Variants in FAM83B observed in about 807,000 individuals in gnomAD.
The protein encoded by FAM83B is scaffolding CK1 anchoring protein B.
FAM83B carries 26 observed loss-of-function variants against 38.8 expected under a neutral mutation model. The ratio of observed to expected loss-of-function variants is 0.67; its 90% confidence interval spans 0.49 to 0.93. The LOEUF (loss-of-function observed/expected upper bound fraction) is 0.93, where lower values mean the gene tolerates loss of function less well. Ranked by LOEUF, FAM83B falls within the 40% of genes least tolerant of loss-of-function variation. The pLI is 0.00. For synonymous variants in FAM83B, 419 were observed against 423.1 expected, an observed-to-expected ratio of 0.99 and a Z score of 0.12; for missense variants, 1,237 against 1,197.3, an observed-to-expected ratio of 1.03 and a Z score of -0.49.
intron 4 of FAM83B, among the ~76,000 whole-genome samples, chr6:54,928,568 T>TA (rs1411878869): frequency 2.0e-5 from 3 of 152,154 alleles, no homozygotes; most frequent in Middle Eastern, 3.2e-3. Context: ...GGGACCTTTT[T>TA]AAAAAAACAT....
rs532901666 is a variant in FAM83B at position 54,862,532 on chromosome 6, C to T, written c.-60-7655C>T. 8.5e-5 allele frequency among the ~76,000 whole-genome samples: 13 copies of T among 152,216 alleles called. No individual in the cohort carries two copies. The East Asian group carries it at 1.2e-3, about 14-fold the overall frequency. On this transcript the variant is annotated intron_variant, in intron 1 of 4. Coordinates refer to ENST00000306858, the MANE Select transcript of FAM83B (RefSeq NM_001010872.3). ...CGTGGTGGACATTCGCTTCTTCCTC[C>T]GTAAAATGAGAGGCTAGATGGATCA...
Position 54,940,419 on chromosome 6 carries a change from C to T in FAM83B, c.1448C>T (p.Thr483Ile). ...CGCTTTTTGCAACAACGAATGCCAA[C>T]CCTTGAACATACCACAAAGTCATTC... ...HIRFLQQRMPTLEHTTKSFLR... is the reference protein window; with the variant it reads ...HIRFLQQRMPILEHTTKSFLR... Residue 483 changes from threonine to isoleucine, a missense_variant, in exon 5 of 5, where the codon ACC becomes ATC. Thr to Ile is a moderately conservative substitution (Grantham distance 89). Transcript: ENST00000306858. The T allele has an allele frequency of 6.2e-7, 1 of 1,614,026 alleles. No homozygotes were observed. The highest frequency in any genetic ancestry group is 8.5e-7 in the Non-Finnish European group (1 of 1,179,996).
At chr6:54,852,437 T>C (rs1435911080) in intron 1 of FAM83B, among the ~76,000 whole-genome samples, 1 of 152,222 alleles carries the variant, frequency 6.6e-6, no homozygotes, top group African/African-American at 2.4e-5. Flanking sequence ...TGTGCACATA[T>C]GACAGTGAAC....
chr6:54,920,114 TCTTA>T (rs1773137648), intron 2 of FAM83B, among the ~76,000 whole-genome samples: 1 of 151,918 alleles, frequency 6.6e-6, no homozygotes, highest in Non-Finnish European at 1.5e-5. Flanking sequence ...AAATGGATAC[TCTTA>T]CTTAGGCTAT....
chr6:54,849,303 C>T (rs904646881), intron 1 of FAM83B, among the ~76,000 whole-genome samples: 22 of 152,278 alleles, frequency 1.4e-4, no homozygotes, highest in Admixed American at 2.6e-4. Flanking sequence ...TGGGCACTGT[C>T]TAGAAGTATC....
chr6:54,878,112 A>G (rs1427776379), intron 2 of FAM83B, among the ~76,000 whole-genome samples: 2 of 152,214 alleles, frequency 1.3e-5, no homozygotes, highest in Non-Finnish European at 2.9e-5. Flanking sequence ...TGAAGCAGGA[A>G]GAAAAGGAGA....
Position 54,943,296 on chromosome 6 carries a change from T to C in FAM83B, c.*1289T>C, listed in dbSNP as rs1350138363. The C allele has an allele frequency of 6.6e-6, 1 of 152,190 alleles. No individual in the cohort carries two copies. The highest frequency in any genetic ancestry group is 2.4e-5 in the African/African-American group (1 of 41,458). 9.4% of individuals were successfully genotyped at this position (152,190 alleles called of 1,614,324 possible). A position where few individuals can be genotyped will look rare whatever the true frequency, so the allele number is the denominator to read the frequency against. ...TAGTTCTTCCATGATTTGAGGATGATATTCAGATTATAAGATACCCTTTGT... is the reference window on the plus strand; with the variant it reads ...TAGTTCTTCCATGATTTGAGGATGACATTCAGATTATAAGATACCCTTTGT... On this transcript the variant is annotated 3_prime_UTR_variant, in exon 5 of 5. Coordinates refer to ENST00000306858, the MANE Select transcript of FAM83B (RefSeq NM_001010872.3).
At chr6:54,898,697 C>T (rs76339244) in intron 2 of FAM83B, among the ~76,000 whole-genome samples, 2,565 of 152,230 alleles carry the variant, frequency 0.017, 60 homozygotes, top group African/African-American at 0.046. Flanking sequence ...TTAACTCTTT[C>T]CTCTTTCCCG....
intron 2 of FAM83B, among the ~76,000 whole-genome samples, chr6:54,900,148 T>C (rs1237018002): frequency 6.6e-6 from 1 of 152,202 alleles, no homozygotes; most frequent in African/African-American, 2.4e-5. Context: ...CTGTAGCACA[T>C]ATAACCTTAA....
At chr6:54,884,864 C>T (rs1199803087) in intron 2 of FAM83B, among the ~76,000 whole-genome samples, 2 of 151,778 alleles carry the variant, frequency 1.3e-5, no homozygotes, top group African/African-American at 4.8e-5. Flanking sequence ...GCTCCGCCTC[C>T]CGGGTTCACG....
chr6:54,868,746 A>G (rs1464339829), intron 1 of FAM83B, among the ~76,000 whole-genome samples: 1 of 152,174 alleles, frequency 6.6e-6, no homozygotes, highest in Non-Finnish European at 1.5e-5. Flanking sequence ...GGCTTGGATC[A>G]AATTATGACT....
At chr6:54,915,812 CAAAAAAA>C (rs58597609) in intron 2 of FAM83B, among the ~76,000 whole-genome samples, 6 of 18,048 alleles carry the variant, frequency 3.3e-4, no homozygotes, top group Non-Finnish European at 5.8e-4. Context: ...GACTCCGTCT[CAAAAAAA>C]AAAAAAAAAA....
rs1220427121 is a variant in FAM83B, at chr6:54,895,882, C to CT, written c.444+25197dup. Among the ~76,000 whole-genome samples the CT allele has an allele frequency of 7.1e-3, 1,074 of 151,112 alleles. 13 individuals carry two copies. The highest frequency in any genetic ancestry group is 0.025 in the African/African-American group (1,027 of 41,222). On this transcript the variant is annotated intron_variant, in intron 2 of 4. Transcript: ENST00000306858. The stretch of plus-strand genomic sequence containing the variant: ...CAGCCTCCTGAGTAGCTGTGATTAC[C>CT]TTTTTGTTTTGTTTTGTTTTTTAGA...
At chr6:54,896,226 T>C (rs1447956794) in intron 2 of FAM83B, among the ~76,000 whole-genome samples, 1 of 152,080 alleles carries the variant, frequency 6.6e-6, no homozygotes, top group Non-Finnish European at 1.5e-5. Flanking sequence ...AGGAAAAAAA[T>C]ACAACCATTG....
chr6:54,870,792 A>G, intron 2 of FAM83B, 102 bp downstream of exon 2: 8 of 1,157,998 alleles, frequency 6.9e-6, no homozygotes, highest in South Asian at 1.6e-5. Context: ...CTCTATATGT[A>G]TAGGCCATGC....
intron 2 of FAM83B, among the ~76,000 whole-genome samples, chr6:54,896,388 CT>C (rs1245430735): frequency 5.9e-5 from 9 of 152,100 alleles, no homozygotes; most frequent in African/African-American, 1.9e-4. Flanking sequence ...ACATGCAAAG[CT>C]TGTTGGTAGA....
At chr6:54,860,428 T>A (rs1771552724) in intron 1 of FAM83B, among the ~76,000 whole-genome samples, 1 of 152,088 alleles carries the variant, frequency 6.6e-6, no homozygotes, top group Non-Finnish European at 1.5e-5. Flanking sequence ...TGTATGCCAT[T>A]AAAAAAATTG....
intron 1 of FAM83B, among the ~76,000 whole-genome samples, chr6:54,860,593 C>T (rs1342242355): frequency 6.6e-6 from 1 of 152,098 alleles, no homozygotes; most frequent in Non-Finnish European, 1.5e-5. Context: ...ATAAAGAGAT[C>T]TATGGAACAG....
intron 2 of FAM83B, among the ~76,000 whole-genome samples, chr6:54,880,593 C>T (rs185513130): frequency 9.9e-5 from 15 of 151,618 alleles, no homozygotes; most frequent in Middle Eastern, 6.8e-3. Flanking sequence ...TACAGGTGTG[C>T]GCCACCATGC....
Sources: allele counts gnomAD v4.1 joint callset (sites outside exome capture counted in the v4.1 genomes callset), GRCh38; gene constraint gnomAD v4.1.1; transcripts MANE v1.5; gene names NCBI Gene and HGNC (gene_info 2026-07-23, HGNC 2026-07-21).